ALPK2: variants seen among roughly 807,000 people sequenced by gnomAD.
ALPK2 encodes alpha kinase 2.
In ALPK2, 127 loss-of-function variants were observed where a neutral mutation model predicts 163.1. The observed-to-expected ratio is 0.78, with a 90% CI of 0.67 to 0.90. ALPK2 has a LOEUF of 0.90. Among genes scored for constraint, ALPK2 ranks in the 40% least tolerant of loss-of-function variants. The probability of loss-of-function intolerance (pLI) is 0.00; values close to 1 mark genes in which losing one functional copy is unlikely to be tolerated. For missense variants in ALPK2, 2,360 were observed against 2,589.6 expected, an observed-to-expected ratio of 0.91 and a Z score of 1.92; for synonymous variants, 953 against 959.1, an observed-to-expected ratio of 0.99 and a Z score of 0.12.
chr18:58,556,471 T>G (rs146257210), intron 4 of ALPK2, among the ~76,000 whole-genome samples: 33 of 152,018 alleles, frequency 2.2e-4, no homozygotes, highest in Non-Finnish European at 4.1e-4. Context: ...GCTGTTGAGA[T>G]AATGAAATGA....
At chr18:58,589,223 G>A (rs1388779647) in intron 3 of ALPK2, among the ~76,000 whole-genome samples, 2 of 152,168 alleles carry the variant, frequency 1.3e-5, no homozygotes, top group East Asian at 3.8e-4. Context: ...TATAATTTCT[G>A]TGGTTTTTCT....
chr18:58,495,147 CA>C (rs2051395190), intron 12 of ALPK2, among the ~76,000 whole-genome samples: 1 of 152,188 alleles, frequency 6.6e-6, no homozygotes, highest in Non-Finnish European at 1.5e-5. Context: ...AGAGGTCTCT[CA>C]ACCACCTCTT....
chr18:58,584,725 G>A (rs2051977143), intron 3 of ALPK2, among the ~76,000 whole-genome samples: 1 of 152,212 alleles, frequency 6.6e-6, no homozygotes, highest in South Asian at 2.1e-4. Flanking sequence ...TTGACTGAAG[G>A]AAATAGTATT....
chr18:58,578,731 G>GACACACAC lies in ALPK2; in HGVS notation c.1962+82_1962+83insGTGTGTGT, dbSNP rs1478568401. On this transcript the variant is annotated intron_variant, in intron 4 of 12. Transcript: ENST00000361673. ...CAATTGTGAATGTGAAGTAAAGGAAGAGACACACACACACACACACACACA... is the reference window on the plus strand; with the variant it reads ...CAATTGTGAATGTGAAGTAAAGGAAGACACACACAGACACACACACACACACACACACA... 119 of 104,274 alleles carry GACACACAC rather than the reference G, an allele frequency of 1.1e-3. 3 individuals are homozygous for GACACACAC. Among genetic ancestry groups the GACACACAC allele is most frequent in the African/African-American group, 8.7e-3 (46 of 5,284 alleles). The allele number at this position is 104,274 out of a possible 1,614,324, so 6.5% of individuals were successfully genotyped here.
At chr18:58,590,995 G>A (rs974977258) in intron 3 of ALPK2, among the ~76,000 whole-genome samples, 1 of 152,162 alleles carries the variant, frequency 6.6e-6, no homozygotes, top group African/African-American at 2.4e-5. Context: ...CAGTAGATTG[G>A]GGGCTGGGAA....
intron 3 of ALPK2, among the ~76,000 whole-genome samples, chr18:58,597,767 G>A (rs78931402): frequency 0.023 from 3,467 of 152,282 alleles, 120 homozygotes; most frequent in African/African-American, 0.077. Context: ...ATATGTTGAA[G>A]CCCTAACCCA....
chr18:58,502,136 A>C (rs1265382654), intron 11 of ALPK2, among the ~76,000 whole-genome samples: 3 of 62,010 alleles, frequency 4.8e-5, no homozygotes, highest in African/African-American at 2.1e-4. Context: ...CCCCATCTCC[A>C]CACACACACA....
At chr18:58,531,048 T>G (rs2051611225) in intron 5 of ALPK2, among the ~76,000 whole-genome samples, 2 of 151,726 alleles carry the variant, frequency 1.3e-5, no homozygotes, top group African/African-American at 4.8e-5. Flanking sequence ...AAAAAAAAAT[T>G]AGCCAGGTGC....
At position 58,506,969 on chromosome 18, in the gene ALPK2, A is replaced by G. The variant is rs141424272; in HGVS notation, c.6030-2821T>C. Among the ~76,000 whole-genome samples, 287 of 152,288 alleles carry G rather than the reference A, an allele frequency of 1.9e-3. 4 individuals are homozygous for G. Among genetic ancestry groups the G allele is most frequent in the African/African-American group, 6.5e-3 (270 of 41,550 alleles). ...CCACTGACAGAGAATCTGATCTTAC[A>G]AATTTGTAAATAGCCAGAGAAGAGA... On this transcript the variant is annotated intron_variant, in intron 10 of 12. Coordinates refer to ENST00000361673, the MANE Select transcript of ALPK2 (RefSeq NM_052947.4).
chr18:58,606,149 G>A (rs1199991731), intron 3 of ALPK2, among the ~76,000 whole-genome samples: 1 of 152,156 alleles, frequency 6.6e-6, no homozygotes, highest in Non-Finnish European at 1.5e-5. Context: ...TGCAATCATA[G>A]CTCACTACAG....
rs867597033 is a variant in ALPK2, at chr18:58,517,157, T to G, written c.5691A>C (p.Gln1897His). 6.2e-7 allele frequency: 1 copy of G among 1,614,014 alleles called. No homozygotes were observed. Among genetic ancestry groups the G allele is most frequent in the Middle Eastern group, 1.7e-4 (1 of 6,060 alleles). The change falls in exon 9 of 13, where the codon CAA (glutamine) becomes CAC (histidine). Residue 1897 changes from glutamine (Q) to histidine (H), a missense_variant. Physicochemically the swap from Gln to His is conservative, Grantham distance 24. Transcript: ENST00000361673. ...GGAGGAAGTCTTCTTTGAAGATGAG[T>G]TGGCTGAATTCAATCTCTTCACATC... Reference protein sequence around the residue: ...TKGCEEIEFSQLIFKEDFLHD... With the variant: ...TKGCEEIEFSHLIFKEDFLHD...
intron 4 of ALPK2, among the ~76,000 whole-genome samples, chr18:58,543,915 G>A (rs955566442): frequency 1.3e-5 from 2 of 152,162 alleles, no homozygotes; most frequent in Admixed American, 1.3e-4. Flanking sequence ...ACCTCACCAA[G>A]GGCTGGGAAC....
intron 2 of ALPK2, 132 bp from the exon 3 acceptor site, chr18:58,607,571 G>C (rs1459430345): frequency 1.7e-6 from 1 of 588,500 alleles, no homozygotes; most frequent in Non-Finnish European, 2.9e-6. Flanking sequence ...GTTAGGTGAG[G>C]AATTGAAAAG....
rs748123189 is a variant in ALPK2 at position 58,536,472 on chromosome 18, T to C, written c.3715A>G (p.Ile1239Val). 2.5e-6 allele frequency: 4 copies of C among 1,613,976 alleles called. No homozygotes were observed. The highest frequency in any genetic ancestry group is 4.5e-5 in the East Asian group (2 of 44,902). The part of the protein sequence containing the change: ...NWEAGNKLKI[I>V]TLEASASEIW... ...TCAGAAGCGGAAGCCTCTAGAGTTA[T>C]AATCTTCAGCTTGTTGCCTGCCTCC... The change falls in exon 5 of 13, where the codon ATA becomes GTA. Residue 1239 changes from isoleucine to valine, a missense_variant. Coordinates refer to ENST00000361673, the MANE Select transcript of ALPK2 (RefSeq NM_052947.4).
At position 58,626,108 on chromosome 18, in the gene ALPK2, C is replaced by A. The variant is rs375599554; in HGVS notation, c.-21+2656G>T. On this transcript the variant is annotated intron_variant, in intron 1 of 12. Transcript: ENST00000361673. Reference sequence around the variant, plus strand: ...TAACGTATCCTGGGTTCCTTGTGAACCTGTCTGTAACCGAAGCGAAGAATG... The same window carrying A: ...TAACGTATCCTGGGTTCCTTGTGAAACTGTCTGTAACCGAAGCGAAGAATG... Among the ~76,000 whole-genome samples, 6 of 152,248 alleles carry A rather than the reference C, an allele frequency of 3.9e-5. No homozygotes were observed. The East Asian group carries it at 1.2e-3, about 29-fold the overall frequency.
chr18:58,613,624 G>C (rs1316117580), intron 1 of ALPK2, among the ~76,000 whole-genome samples: 1 of 151,258 alleles, frequency 6.6e-6, no homozygotes, highest in African/African-American at 2.4e-5. Context: ...ACCGGGACCT[G>C]GGAGGCAGAG....
At chr18:58,529,521 G>A (rs1365096447) in intron 5 of ALPK2, among the ~76,000 whole-genome samples, 1 of 152,190 alleles carries the variant, frequency 6.6e-6, no homozygotes, top group Admixed American at 6.5e-5. Context: ...AAGGGGATGA[G>A]AGGTGGGAGG....
chr18:58,592,131 C>T (rs2052017808), intron 3 of ALPK2, among the ~76,000 whole-genome samples: 1 of 152,180 alleles, frequency 6.6e-6, no homozygotes, highest in Admixed American at 6.5e-5. Flanking sequence ...GACCTGTGGC[C>T]CCCAATGAGC....
At chr18:58,610,603 C>A (rs1037187698) in intron 2 of ALPK2, among the ~76,000 whole-genome samples, 1 of 152,092 alleles carries the variant, frequency 6.6e-6, no homozygotes, top group African/African-American at 2.4e-5. Context: ...TATTAGCATC[C>A]CTGAAGAAGG....
Sources: allele counts gnomAD v4.1 joint callset (sites outside exome capture counted in the v4.1 genomes callset), GRCh38; gene constraint gnomAD v4.1.1; transcripts MANE v1.5; gene names NCBI Gene and HGNC (gene_info 2026-07-23, HGNC 2026-07-21).